The following ERBB4 variants were observed in gnomAD, a reference collection of about 807,000 sequenced individuals.
The protein encoded by ERBB4 is erb-b2 receptor tyrosine kinase 4.
ERBB4 carries 42 observed loss-of-function variants against 158.0 expected under a neutral mutation model. The observed-to-expected ratio is 0.27, with a 90% CI of 0.21 to 0.34. ERBB4 has a LOEUF of 0.34. Among genes scored for constraint, ERBB4 ranks in the 10% least tolerant of loss-of-function variants. The pLI is 1.00. For synonymous variants in ERBB4, 583 were observed against 558.7 expected, an observed-to-expected ratio of 1.04 and a Z score of -0.61; for missense variants, 1,333 against 1,624.1, an observed-to-expected ratio of 0.82 and a Z score of 3.08.
intron 1 of ERBB4, among the ~76,000 whole-genome samples, chr2:212,414,258 T>C (rs1021808894): frequency 6.6e-6 from 1 of 152,210 alleles, no homozygotes; most frequent in Non-Finnish European, 1.5e-5. Flanking sequence ...GAATGTTTTG[T>C]AAAACTTCTC....
chr2:211,513,842 G>A (rs867736760), intron 20 of ERBB4, among the ~76,000 whole-genome samples: 2 of 151,902 alleles, frequency 1.3e-5, no homozygotes, highest in Non-Finnish European at 2.9e-5. Flanking sequence ...TTTTGGGGGG[G>A]ATTAAAAAAT....
At chr2:212,168,052 G>A (rs1310253066) in intron 1 of ERBB4, among the ~76,000 whole-genome samples, 4 of 115,798 alleles carry the variant, frequency 3.5e-5, no homozygotes, top group African/African-American at 1.3e-4. Flanking sequence ...ATGTATCCAG[G>A]AACTGAAATT....
intron 1 of ERBB4, among the ~76,000 whole-genome samples, chr2:212,325,681 C>A (rs1444583962): frequency 6.7e-6 from 1 of 150,334 alleles, no homozygotes; most frequent in Non-Finnish European, 1.5e-5. Flanking sequence ...TAGAATTTAT[C>A]ATTCCTGTGT....
intron 19 of ERBB4, among the ~76,000 whole-genome samples, chr2:211,594,105 G>T (rs73077002): frequency 6.6e-6 from 1 of 151,868 alleles, no homozygotes; most frequent in African/African-American, 2.4e-5. Context: ...ATCCTTCTTG[G>T]TGGAACCCAA....
At chr2:211,506,861 A>C (rs552065671) in intron 20 of ERBB4, among the ~76,000 whole-genome samples, 1 of 152,260 alleles carries the variant, frequency 6.6e-6, no homozygotes, top group African/African-American at 2.4e-5. Context: ...AATAAAAGAA[A>C]CAAAAATTAG....
intron 1 of ERBB4, among the ~76,000 whole-genome samples, chr2:212,255,993 A>AT (rs374307755): frequency 0.2 from 12,826 of 65,506 alleles, 1,008 homozygotes; most frequent in African/African-American, 0.29. Flanking sequence ...GCTAAGTTTT[A>AT]TTTATTTATT....
chr2:211,772,287 G>A (rs950224665), intron 4 of ERBB4, among the ~76,000 whole-genome samples: 7 of 151,980 alleles, frequency 4.6e-5, no homozygotes, highest in African/African-American at 7.3e-5. Flanking sequence ...TTATCAGCAC[G>A]GCACTGACAT....
At chr2:212,500,589 G>A (rs1200697729) in intron 1 of ERBB4, among the ~76,000 whole-genome samples, 1 of 152,036 alleles carries the variant, frequency 6.6e-6, no homozygotes, top group Non-Finnish European at 1.5e-5. Context: ...TTGATGGCAG[G>A]AAAGGGCAAT....
chr2:211,973,784 A>C (rs1447846952), intron 2 of ERBB4, among the ~76,000 whole-genome samples: 2 of 152,198 alleles, frequency 1.3e-5, no homozygotes, highest in African/African-American at 4.8e-5. Flanking sequence ...ATGCATGTGT[A>C]TGTTCATTAC....
In ERBB4 at chr2:212,133,046, G is replaced by A. The variant is rs373192133; in HGVS notation, c.83-8143C>T. 4.6e-5 allele frequency among the ~76,000 whole-genome samples: 7 copies of A among 152,142 alleles called. No homozygotes were observed. In the East Asian group the frequency reaches 1.4e-3, roughly 29 times the overall value. ...ACTAACTCCTTCCTTGGGAGAGAAG[G>A]TAAAGTCCTTTCTTCATGTTTGCTC... On this transcript the variant is annotated intron_variant, in intron 1 of 27. Transcript: ENST00000342788.
intron 1 of ERBB4, among the ~76,000 whole-genome samples, chr2:212,220,009 T>C (rs2083242657): frequency 6.7e-6 from 1 of 150,332 alleles, no homozygotes; most frequent in Non-Finnish European, 1.5e-5. Context: ...TGAAGGAAAT[T>C]TACATGGTGA....
At chr2:212,247,753 C>A (rs1356804236) in intron 1 of ERBB4, among the ~76,000 whole-genome samples, 1 of 152,166 alleles carries the variant, frequency 6.6e-6, no homozygotes, top group Non-Finnish European at 1.5e-5. Flanking sequence ...CGCTTGAGGT[C>A]AGGAGTTTGA....
At chr2:212,303,011 A>G (rs1473307712) in intron 1 of ERBB4, among the ~76,000 whole-genome samples, 2 of 151,472 alleles carry the variant, frequency 1.3e-5, no homozygotes, top group South Asian at 2.1e-4. Flanking sequence ...AGGATGAGGG[A>G]AAAATGGGGA....
At chr2:212,240,836 G>T (rs1455835084) in intron 1 of ERBB4, among the ~76,000 whole-genome samples, 2 of 151,578 alleles carry the variant, frequency 1.3e-5, no homozygotes, top group Non-Finnish European at 2.9e-5. Context: ...CACATCTTTG[G>T]GTCTTGATGT....
At chr2:212,081,093 C>A (rs1443181982) in intron 2 of ERBB4, among the ~76,000 whole-genome samples, 2 of 152,154 alleles carry the variant, frequency 1.3e-5, no homozygotes, top group African/African-American at 4.8e-5. Flanking sequence ...TAAAATATTT[C>A]TGACATTCAT....
chr2:212,325,936 A>G (rs1159953045), intron 1 of ERBB4, among the ~76,000 whole-genome samples: 1 of 150,636 alleles, frequency 6.6e-6, no homozygotes, highest in African/African-American at 2.4e-5. Context: ...GCAAAAAACT[A>G]CACCTATTAC....
intron 1 of ERBB4, among the ~76,000 whole-genome samples, chr2:212,141,591 C>T (rs1417020915): frequency 1.3e-5 from 2 of 151,798 alleles, no homozygotes; most frequent in African/African-American, 4.8e-5. Context: ...TTCCTTCAGC[C>T]TCCAATCTCA....
rs1479540691 is a variant in ERBB4 at position 211,861,060 on chromosome 2, T to C, written c.422-72901A>G. Among the ~76,000 whole-genome samples the C allele has an allele frequency of 4.4e-3, 179 of 40,578 alleles. 28 individuals carry two copies. Among genetic ancestry groups the C allele is most frequent in the African/African-American group, 0.014 (176 of 12,874 alleles). The allele number at this position is 40,578 out of a possible 152,430, so 26.6% of individuals were successfully genotyped here. ...ATATATTTATATATTTATATATATA[T>C]AAATATAATATATTTATATATTATA... is the stretch of plus-strand genomic sequence containing the variant. On this transcript the variant is annotated intron_variant, in intron 3 of 27. Coordinates refer to ENST00000342788, the MANE Select transcript of ERBB4 (RefSeq NM_005235.3).
At chr2:211,465,736 G>A (rs972445091) in intron 20 of ERBB4, among the ~76,000 whole-genome samples, 5 of 152,070 alleles carry the variant, frequency 3.3e-5, no homozygotes, top group East Asian at 1.9e-4. Flanking sequence ...AAGACTTGCC[G>A]GTCGAGAGTA....
Sources: gnomAD v4.1 joint callset for allele counts (sites outside exome capture counted in the v4.1 genomes callset) on GRCh38, gnomAD v4.1.1 for gene constraint, MANE v1.5 for transcripts, NCBI Gene and HGNC (gene_info 2026-07-23, HGNC 2026-07-21) for gene names.